FRYL: variants seen among roughly 807,000 people sequenced by gnomAD.
The protein encoded by FRYL is protein furry homolog-like.
A neutral mutation model predicts 351.2 loss-of-function variants in FRYL; 150 were observed. That is an observed-to-expected ratio of 0.43 (90% CI 0.37 to 0.49). The LOEUF is 0.49. Ranked by LOEUF, FRYL falls within the 20% of genes least tolerant of loss-of-function variation. FRYL has a pLI of 0.00. For synonymous variants in FRYL, 1,153 were observed against 1,257.1 expected (o/e 0.92, Z 1.75); for missense variants, 3,036 against 3,619.3 (o/e 0.84, Z 4.13).
intron 1 of FRYL, among the ~76,000 whole-genome samples, chr4:48,779,553 G>A (rs1043476681): frequency 6.6e-6 from 1 of 151,912 alleles, no homozygotes; most frequent in African/African-American, 2.4e-5. Flanking sequence ...CCCGCCAGCC[G>A]CCGCGCTAAG....
chr4:48,634,388 G>A lies in FRYL; in HGVS notation c.23C>T (p.Pro8Leu), dbSNP rs1463901996. Reference protein sequence around the residue: MSNITIDPDVKPGEYVIK... With the variant: MSNITIDLDVKPGEYVIK... Reference sequence around the variant, plus strand: ...GACATATTCACCAGGTTTGACATCTGGGTCAATCGTAATGTTTGACATGAT... The same window carrying A: ...GACATATTCACCAGGTTTGACATCTAGGTCAATCGTAATGTTTGACATGAT... Residue 8 changes from proline (P) to leucine (L), a missense_variant, in exon 4 of 64, where the codon CCA becomes CTA. Pro to Leu is a moderately conservative substitution (Grantham distance 98). This residue lies in a region of FRYL where 457 missense variants were observed against 566.6 expected (regional missense o/e 0.81). Transcript: ENST00000358350. 1.2e-6 allele frequency: 2 copies of A among 1,611,992 alleles called. No homozygotes were observed. The highest frequency in any genetic ancestry group is 1.7e-6 in the Non-Finnish European group (2 of 1,178,282).
intron 2 of FRYL, among the ~76,000 whole-genome samples, chr4:48,699,887 G>T (rs1039906476): frequency 6.6e-6 from 1 of 152,030 alleles, no homozygotes; most frequent in African/African-American, 2.4e-5. Flanking sequence ...CTACTCTTAA[G>T]AATTTTAACA....
intron 26 of FRYL, chr4:48,571,572 T>C (rs1456720763): frequency 1.3e-6 from 1 of 794,880 alleles, no homozygotes; most frequent in Non-Finnish European, 1.5e-6. Context: ...AATTTTCATA[T>C]TACAGAGCAA....
At chr4:48,696,838 G>T (rs1311071565) in intron 2 of FRYL, among the ~76,000 whole-genome samples, 1 of 142,732 alleles carries the variant, frequency 7.0e-6, no homozygotes, top group Non-Finnish European at 1.5e-5. Context: ...GAAAAATAAC[G>T]ATAAGAGATC....
At chr4:48,697,862 T>C (rs536874253) in intron 2 of FRYL, among the ~76,000 whole-genome samples, 4 of 152,226 alleles carry the variant, frequency 2.6e-5, no homozygotes, top group African/African-American at 9.6e-5. Flanking sequence ...ATGGTAATGA[T>C]GAGGATAGTA....
chr4:48,560,875 C>T (rs1210417185), intron 33 of FRYL, among the ~76,000 whole-genome samples: 9 of 152,130 alleles, frequency 5.9e-5, no homozygotes, highest in South Asian at 2.1e-4. Flanking sequence ...CAGCTAAGTC[C>T]ACTATCTCTT....
chr4:48,627,085 G>C (rs1289032603), intron 4 of FRYL, among the ~76,000 whole-genome samples: 1 of 152,074 alleles, frequency 6.6e-6, no homozygotes, highest in Non-Finnish European at 1.5e-5. Context: ...ACTAATATAT[G>C]TTCAATTAAC....
intron 13 of FRYL, chr4:48,598,738 C>G: frequency 5.5e-6 from 2 of 366,734 alleles, no homozygotes; most frequent in Non-Finnish European, 7.6e-6. Context: ...ATACATTAGA[C>G]ATGCAATGCA....
At chr4:48,727,624 A>G (rs1444342988) in intron 1 of FRYL, 1 of 152,210 alleles carries the variant, frequency 6.6e-6, no homozygotes, top group African/African-American at 2.4e-5. Flanking sequence ...AAGTTCTCAC[A>G]GTGAATATCA....
chr4:48,729,150 G>A (rs1160464296), intron 1 of FRYL, among the ~76,000 whole-genome samples: 3 of 152,258 alleles, frequency 2.0e-5, no homozygotes, highest in African/African-American at 4.8e-5. Context: ...GACCTGGGAC[G>A]TGGGAGTTTG....
rs779239863 is a variant in FRYL at position 48,579,280 on chromosome 4, A to G, written c.2260-39T>C. Reference sequence around the variant, plus strand: ...AAAAAATTGATTATTACACATTTCAATAACTTTGAAATTTTACCATATAAA... The same window carrying G: ...AAAAAATTGATTATTACACATTTCAGTAACTTTGAAATTTTACCATATAAA... On this transcript the variant is annotated intron_variant, in intron 22 of 63. Transcript: ENST00000358350. The G allele has an allele frequency of 9.9e-6, 15 of 1,510,112 alleles. No homozygotes were observed. The Admixed American group carries it at 1.3e-4, about 13-fold the overall frequency. The allele number at this position is 1,510,112 out of a possible 1,614,324, so 93.5% of individuals were successfully genotyped here. A position where few individuals can be genotyped will look rare whatever the true frequency, so the allele number is the denominator to read the frequency against.
chr4:48,748,374 G>C (rs764145097), intron 1 of FRYL, among the ~76,000 whole-genome samples: 1 of 152,100 alleles, frequency 6.6e-6, no homozygotes, highest in South Asian at 2.1e-4. Context: ...TGAACATTAC[G>C]TTTCCCAGCT....
In FRYL at chr4:48,567,510, A is replaced by G. The variant is rs1197811671; in HGVS notation, c.2997-90T>C. ...TTAATACTCAAAATCAGAATAATAC[A>G]TGTTAATTTTGCATGCTCATGGCAG... is the stretch of plus-strand genomic sequence containing the variant. On this transcript the variant is annotated intron_variant, in intron 27 of 63. Transcript: ENST00000358350. The surrounding 1 kb of genome is among the most constrained non-coding windows in gnomAD (Gnocchi z 4.2). The G allele has an allele frequency of 3.2e-6, 3 of 933,522 alleles. No homozygotes were observed. Among genetic ancestry groups the G allele is most frequent in the Non-Finnish European group, 4.6e-6 (3 of 648,398 alleles). The allele number at this position is 933,522 out of a possible 1,614,324, so 57.8% of individuals were successfully genotyped here.
Position 48,674,715 on chromosome 4 carries a change from C to T in FRYL, c.-81+9958G>A, listed in dbSNP as rs186938366. Among the ~76,000 whole-genome samples, 476 of 102,676 alleles carry T rather than the reference C, an allele frequency of 4.6e-3. 4 individuals are homozygous for T. The highest frequency in any genetic ancestry group is 0.018 in the African/African-American group (450 of 25,656). The allele number at this position is 102,676 out of a possible 152,430, so 67.4% of individuals were successfully genotyped here. On this transcript the variant is annotated intron_variant, in intron 3 of 63. Transcript: ENST00000358350. Reference sequence around the variant, plus strand: ...TCGCTCCACTGCACTCCAGCCAGGGCGACAGAGCAAGACTCTGTCTCAAAA... The same window carrying T: ...TCGCTCCACTGCACTCCAGCCAGGGTGACAGAGCAAGACTCTGTCTCAAAA...
intron 35 of FRYL, 94 bp downstream of exon 35, chr4:48,556,884 C>A: frequency 8.5e-7 from 1 of 1,175,014 alleles, no homozygotes; most frequent in Non-Finnish European, 1.2e-6. Context: ...CCTTGCCTTG[C>A]CTCTCCTGGG....
chr4:48,670,357 C>T (rs1179969489), intron 3 of FRYL, among the ~76,000 whole-genome samples: 2 of 151,706 alleles, frequency 1.3e-5, no homozygotes, highest in Non-Finnish European at 2.9e-5. Context: ...TGCTTGAACC[C>T]GAGAGGAGGA....
chr4:48,777,663 T>C (rs767513877), intron 1 of FRYL, among the ~76,000 whole-genome samples: 1 of 152,256 alleles, frequency 6.6e-6, no homozygotes, highest in East Asian at 1.9e-4. Context: ...CTGAATGTTT[T>C]ATTCATATGT....
At chr4:48,706,708 C>CT (rs759134033) in intron 2 of FRYL, among the ~76,000 whole-genome samples, 10 of 152,068 alleles carry the variant, frequency 6.6e-5, no homozygotes, top group Non-Finnish European at 1.5e-4. Flanking sequence ...GGCTCCCACT[C>CT]TAAGAATAAG....
intron 2 of FRYL, among the ~76,000 whole-genome samples, chr4:48,690,716 T>C (rs1384306711): frequency 1.3e-5 from 2 of 152,192 alleles, no homozygotes; most frequent in Non-Finnish European, 2.9e-5. Context: ...CTGTAATCAA[T>C]GTGTTAACCT....
Sources: allele counts gnomAD v4.1 joint callset (sites outside exome capture counted in the v4.1 genomes callset), GRCh38; gene constraint gnomAD v4.1.1; regional missense constraint gnomAD v4.1.1; non-coding constraint Gnocchi (gnomAD v3.1); transcripts MANE v1.5; gene names NCBI Gene and HGNC (gene_info 2026-07-23, HGNC 2026-07-21).